TMEM178A: variants seen among roughly 807,000 people sequenced by gnomAD.
TMEM178A encodes transmembrane protein 178A.
In TMEM178A, 12 loss-of-function variants were observed where a neutral mutation model predicts 29.1. The ratio of observed to expected loss-of-function variants is 0.41; its 90% CI spans 0.26 to 0.67. The LOEUF is 0.67. Ranked by LOEUF, TMEM178A falls within the 30% of genes least tolerant of loss-of-function variation. The probability of loss-of-function intolerance (pLI) is 0.29; values close to 1 mark genes in which losing one functional copy is unlikely to be tolerated. For missense variants in TMEM178A, 366 were observed against 419.1 expected (o/e 0.87, Z 1.11); for synonymous variants, 210 against 187.2 (o/e 1.12, Z -0.99).
intron 1 of TMEM178A, among the ~76,000 whole-genome samples, chr2:39,681,055 T>C (rs902524856): frequency 2.0e-5 from 3 of 152,162 alleles, no homozygotes; most frequent in African/African-American, 7.2e-5. Context: ...ATTGGGATAA[T>C]AGTTAATTTT....
intron 1 of TMEM178A, among the ~76,000 whole-genome samples, chr2:39,683,906 C>CTT (rs1670969538): frequency 6.6e-6 from 1 of 152,180 alleles, no homozygotes; most frequent in Non-Finnish European, 1.5e-5. Context: ...TTATTGAAAG[C>CTT]TTTGGATTGA....
At chr2:39,711,714 G>T (rs998962605) in intron 3 of TMEM178A, among the ~76,000 whole-genome samples, 1 of 152,146 alleles carries the variant, frequency 6.6e-6, no homozygotes, top group Non-Finnish European at 1.5e-5. Flanking sequence ...CATTGATTAT[G>T]ACATGAAACT....
chr2:39,694,765 A>G (rs927849013), intron 1 of TMEM178A, among the ~76,000 whole-genome samples: 1 of 152,248 alleles, frequency 6.6e-6, no homozygotes, highest in Non-Finnish European at 1.5e-5. Flanking sequence ...TAAAAATACT[A>G]AAATTAATCT....
intron 1 of TMEM178A, among the ~76,000 whole-genome samples, chr2:39,690,924 A>T (rs1671289914): frequency 2.0e-5 from 3 of 152,246 alleles, no homozygotes; most frequent in South Asian, 4.1e-4. Context: ...GAAGCAGAAG[A>T]TACTGTGCTA....
Position 39,717,469 on chromosome 2 carries a change from G to T in TMEM178A, c.*218G>T. 1 of 516,160 alleles carries T rather than the reference G, an allele frequency of 1.9e-6. No individual in the cohort carries two copies. The highest frequency in any genetic ancestry group is 4.7e-5 in the South Asian group (1 of 21,324). 32.0% of individuals were successfully genotyped at this position (516,160 alleles called of 1,614,324 possible). A position where few individuals can be genotyped will look rare whatever the true frequency, so the allele number is the denominator to read the frequency against. ...TAATGACTATTTATGCGTTGACTGT[G>T]AGAATAGGGAGCAGTGCCATGGGAC... On this transcript the variant is annotated 3_prime_UTR_variant, in exon 4 of 4. Coordinates refer to ENST00000281961, the MANE Select transcript of TMEM178A (RefSeq NM_152390.3).
chr2:39,669,157 A>G (rs754884316), intron 1 of TMEM178A, among the ~76,000 whole-genome samples: 2 of 152,182 alleles, frequency 1.3e-5, no homozygotes, highest in Non-Finnish European at 2.9e-5. Context: ...GGAGGGGTGG[A>G]AAAAGGGCTC....
At chr2:39,683,287 C>A (rs902007879) in intron 1 of TMEM178A, among the ~76,000 whole-genome samples, 1 of 152,164 alleles carries the variant, frequency 6.6e-6, no homozygotes, top group Non-Finnish European at 1.5e-5. Flanking sequence ...CTCACCTCAC[C>A]CATCCAGCAA....
chr2:39,669,662 G>A (rs1670328620), intron 1 of TMEM178A, among the ~76,000 whole-genome samples: 1 of 152,194 alleles, frequency 6.6e-6, no homozygotes, highest in East Asian at 1.9e-4. Flanking sequence ...TAAGAACCAA[G>A]ACTAGAACCC....
At chr2:39,718,085 AT>A (rs1184284672), downstream of TMEM178A, 1 of 152,450 alleles carries the variant, frequency 6.6e-6, no homozygotes, top group Non-Finnish European at 1.5e-5. Flanking sequence ...CTTCATTTCA[AT>A]TAGGTTGGGC....
At chr2:39,735,814 G>C in the TMEM178A span, among the ~76,000 whole-genome samples, 3 of 152,254 alleles carry the variant, frequency 2.0e-5, no homozygotes, top group Non-Finnish European at 4.4e-5. Flanking sequence ...GGAATGTTCT[G>C]GTGAAGATCG....
At chr2:39,670,891 T>C (rs1196587584) in intron 1 of TMEM178A, among the ~76,000 whole-genome samples, 1 of 152,226 alleles carries the variant, frequency 6.6e-6, no homozygotes, top group Admixed American at 6.5e-5. Flanking sequence ...TTTTCTATTA[T>C]ATATACTTTG....
chr2:39,672,049 A>C (rs1670428724), intron 1 of TMEM178A, among the ~76,000 whole-genome samples: 1 of 152,194 alleles, frequency 6.6e-6, no homozygotes, highest in Non-Finnish European at 1.5e-5. Context: ...TAATGACTAG[A>C]TTTGTAGTTT....
At chr2:39,697,260 G>T (rs1671584230) in intron 1 of TMEM178A, among the ~76,000 whole-genome samples, 1 of 152,090 alleles carries the variant, frequency 6.6e-6, no homozygotes, top group South Asian at 2.1e-4. Context: ...AGATTTTTGT[G>T]GTTTCATTTT....
chr2:39,691,622 A>G (rs577461322), intron 1 of TMEM178A, among the ~76,000 whole-genome samples: 67 of 152,282 alleles, frequency 4.4e-4, no homozygotes, highest in Non-Finnish European at 8.7e-4. Context: ...TGACCTGGCA[A>G]TCCCACTTCT....
At chr2:39,721,068 T>C (rs961952272), downstream of TMEM178A, among the ~76,000 whole-genome samples, 2 of 152,242 alleles carry the variant, frequency 1.3e-5, no homozygotes, top group Admixed American at 6.5e-5. Context: ...AAAGGAATGC[T>C]TCAGAAATGA....
At chr2:39,693,212 T>C (rs766520058) in intron 1 of TMEM178A, among the ~76,000 whole-genome samples, 2 of 152,218 alleles carry the variant, frequency 1.3e-5, no homozygotes, top group Non-Finnish European at 2.9e-5. Flanking sequence ...CCACCTTCTT[T>C]GGATGCTTTC....
chr2:39,735,128 A>C, the TMEM178A span, among the ~76,000 whole-genome samples: 2 of 152,150 alleles, frequency 1.3e-5, no homozygotes, highest in Non-Finnish European at 2.9e-5. Context: ...GTAAAAGCTA[A>C]AGCCCTTAAA....
At chr2:39,687,923 T>C (rs1486582511) in intron 1 of TMEM178A, among the ~76,000 whole-genome samples, 7 of 152,250 alleles carry the variant, frequency 4.6e-5, no homozygotes, top group Non-Finnish European at 8.8e-5. Flanking sequence ...ATCCCATCTA[T>C]GTCACTTGTT....
intron 1 of TMEM178A, among the ~76,000 whole-genome samples, chr2:39,672,334 T>A (rs1241933022): frequency 6.6e-6 from 1 of 152,194 alleles, no homozygotes; most frequent in Non-Finnish European, 1.5e-5. Context: ...CTATGTTTCA[T>A]GGATAACATT....
Sources: allele counts gnomAD v4.1 joint callset (sites outside exome capture counted in the v4.1 genomes callset), GRCh38; gene constraint gnomAD v4.1.1; transcripts MANE v1.5; gene names NCBI Gene and HGNC (gene_info 2026-07-23, HGNC 2026-07-21).